Variants in PDE4B observed in about 807,000 individuals in gnomAD.
The protein encoded by PDE4B is phosphodiesterase 4B.
In PDE4B, 20 loss-of-function variants were observed where a neutral mutation model predicts 82.2. The observed-to-expected ratio is 0.24, with a 90% CI of 0.17 to 0.35. PDE4B has a LOEUF of 0.35. Among genes scored for constraint, PDE4B ranks in the 10% least tolerant of loss-of-function variants. PDE4B has a pLI of 1.00. For synonymous variants in PDE4B, 320 were observed against 318.9 expected (o/e 1.00, Z -0.04); for missense variants, 655 against 907.2 (o/e 0.72, Z 3.57).
chr1:66,052,104 T>A (rs1248319043), intron 3 of PDE4B, among the ~76,000 whole-genome samples: 1 of 152,180 alleles, frequency 6.6e-6, no homozygotes, highest in Non-Finnish European at 1.5e-5. Flanking sequence ...CAGTTCTTAA[T>A]AAACATCCTG....
At chr1:66,006,000 C>T (rs940468100) in intron 3 of PDE4B, among the ~76,000 whole-genome samples, 1 of 152,160 alleles carries the variant, frequency 6.6e-6, no homozygotes, top group African/African-American at 2.4e-5. Flanking sequence ...ACGGAATGCT[C>T]TGCCTTTCTG....
rs1483818537 is a variant in PDE4B at position 66,124,924 on chromosome 1, T to TGTGTG, written c.282-122535_282-122531dup. On this transcript the variant is annotated intron_variant, in intron 3 of 16. Coordinates refer to ENST00000341517, the MANE Select transcript of PDE4B (RefSeq NM_002600.4). ...CGAGCTGTGTGTGTGTATGCGTGTG[T>TGTGTG]GTGTGTGTGTGTGTGTGTGCCCTGC... Among the ~76,000 whole-genome samples, 3 of 151,054 alleles carry TGTGTG rather than the reference T, an allele frequency of 2.0e-5. No individual in the cohort carries two copies. In the East Asian group the frequency reaches 5.8e-4, roughly 29 times the overall value.
intron 3 of PDE4B, among the ~76,000 whole-genome samples, chr1:66,143,119 A>T (rs548464455): frequency 6.6e-6 from 1 of 152,346 alleles, no homozygotes; most frequent in Non-Finnish European, 1.5e-5. Flanking sequence ...GCATCAGTTT[A>T]GTTCAAAAGA....
chr1:66,119,141 T>C (rs972981344), intron 3 of PDE4B, among the ~76,000 whole-genome samples: 1 of 152,240 alleles, frequency 6.6e-6, no homozygotes, highest in Non-Finnish European at 1.5e-5. Flanking sequence ...TGTGGCCAGC[T>C]GGGCCATGTG....
chr1:65,881,300 C>T (rs1646705483), intron 1 of PDE4B, among the ~76,000 whole-genome samples: 1 of 152,196 alleles, frequency 6.6e-6, no homozygotes, highest in Non-Finnish European at 1.5e-5. Context: ...ACTTTCTGGG[C>T]AGCCTGCATT....
intron 7 of PDE4B, among the ~76,000 whole-genome samples, chr1:66,272,359 C>T (rs1655557591): frequency 6.6e-6 from 1 of 152,154 alleles, no homozygotes; most frequent in Admixed American, 6.5e-5. Flanking sequence ...AGAAACTATC[C>T]CATTGGTTTT....
At chr1:66,189,783 C>T (rs987311983) in intron 3 of PDE4B, among the ~76,000 whole-genome samples, 1 of 152,118 alleles carries the variant, frequency 6.6e-6, no homozygotes, top group African/African-American at 2.4e-5. Context: ...GTTCGAACTT[C>T]CTCCTTTAGC....
At chr1:65,872,146 T>G (rs1646580278) in intron 1 of PDE4B, among the ~76,000 whole-genome samples, 1 of 152,156 alleles carries the variant, frequency 6.6e-6, no homozygotes, top group Non-Finnish European at 1.5e-5. Context: ...TTTCCCCAAA[T>G]TTATGTGTGC....
intron 3 of PDE4B, among the ~76,000 whole-genome samples, chr1:66,076,177 C>G (rs978671861): frequency 1.3e-5 from 2 of 152,080 alleles, no homozygotes; most frequent in Non-Finnish European, 2.9e-5. Context: ...TCAGCCCTTG[C>G]CCACCTGCTC....
At chr1:65,999,560 G>C (rs930428412) in intron 3 of PDE4B, among the ~76,000 whole-genome samples, 1 of 152,058 alleles carries the variant, frequency 6.6e-6, no homozygotes, top group Non-Finnish European at 1.5e-5. Context: ...ATCACTATCC[G>C]GAGAGGCCTT....
At chr1:65,937,152 T>C (rs1648194062) in intron 3 of PDE4B, among the ~76,000 whole-genome samples, 1 of 152,228 alleles carries the variant, frequency 6.6e-6, no homozygotes, top group Non-Finnish European at 1.5e-5. Context: ...GCCTGAGGGC[T>C]GTGCTTTGCT....
chr1:66,329,353 A>G (rs1659949633), intron 7 of PDE4B, among the ~76,000 whole-genome samples: 1 of 152,236 alleles, frequency 6.6e-6, no homozygotes, highest in African/African-American at 2.4e-5. Flanking sequence ...ATTTTAAAAT[A>G]AAAAGTATAT....
chr1:66,111,339 G>A (rs928952891), intron 3 of PDE4B, among the ~76,000 whole-genome samples: 6 of 151,896 alleles, frequency 4.0e-5, no homozygotes, highest in Admixed American at 2.6e-4. Flanking sequence ...ACACTGTTGG[G>A]CACCCATCAT....
intron 3 of PDE4B, among the ~76,000 whole-genome samples, chr1:66,192,244 A>G (rs576006338): frequency 4.6e-5 from 7 of 152,198 alleles, no homozygotes; most frequent in African/African-American, 1.7e-4. Flanking sequence ...TTTCTACCCA[A>G]CTGAAGATCA....
chr1:65,959,761 C>G (rs942920329), intron 3 of PDE4B, among the ~76,000 whole-genome samples: 1 of 152,126 alleles, frequency 6.6e-6, no homozygotes, highest in African/African-American at 2.4e-5. Context: ...TTTCTCACTA[C>G]TGCACACTGC....
intron 3 of PDE4B, among the ~76,000 whole-genome samples, chr1:66,107,862 A>G (rs1462336853): frequency 6.6e-6 from 1 of 152,028 alleles, no homozygotes; most frequent in Non-Finnish European, 1.5e-5. Context: ...GATGCCAAGT[A>G]TATGTCAATA....
intron 7 of PDE4B, among the ~76,000 whole-genome samples, chr1:66,299,287 GT>G (rs564736887): frequency 6.6e-6 from 1 of 152,142 alleles, no homozygotes; most frequent in East Asian, 1.9e-4. Context: ...TGAGCTCAAT[GT>G]TTTTTAGCCT....
At chr1:65,816,091 C>T (rs1426589775) in intron 1 of PDE4B, among the ~76,000 whole-genome samples, 1 of 151,778 alleles carries the variant, frequency 6.6e-6, no homozygotes, top group Non-Finnish European at 1.5e-5. Flanking sequence ...CAAGTGTTAT[C>T]AAAAGTCAAG....
intron 3 of PDE4B, among the ~76,000 whole-genome samples, chr1:66,210,049 G>A (rs989859424): frequency 6.6e-6 from 1 of 152,078 alleles, no homozygotes. Context: ...CTCTGCATTT[G>A]TCCTGAAGGA....
Sources: gnomAD v4.1 joint callset for allele counts (sites outside exome capture counted in the v4.1 genomes callset) on GRCh38, gnomAD v4.1.1 for gene constraint, MANE v1.5 for transcripts, NCBI Gene and HGNC (gene_info 2026-07-23, HGNC 2026-07-21) for gene names.